Variants in UNC5C observed in about 807,000 individuals in gnomAD.
The protein encoded by UNC5C is unc-5 netrin receptor C.
A neutral mutation model predicts 99.8 loss-of-function variants in UNC5C; 47 were observed. The ratio of observed to expected loss-of-function variants is 0.47; its 90% CI spans 0.37 to 0.60. UNC5C has a LOEUF of 0.60. Ranked by LOEUF, UNC5C falls within the 20% of genes least tolerant of loss-of-function variation. UNC5C has a pLI of 0.00. For synonymous variants in UNC5C, 487 were observed against 452.2 expected, an observed-to-expected ratio of 1.08 and a Z score of -0.98; for missense variants, 1,062 against 1,165.9, an observed-to-expected ratio of 0.91 and a Z score of 1.30.
chr4:95,323,830 G>A (rs1742788461), intron 2 of UNC5C, among the ~76,000 whole-genome samples: 1 of 152,174 alleles, frequency 6.6e-6, no homozygotes, highest in African/African-American at 2.4e-5. Context: ...GAAGTCAGGA[G>A]TTCAAGACCA....
intron 1 of UNC5C, among the ~76,000 whole-genome samples, chr4:95,448,365 A>G (rs1340220740): frequency 6.6e-6 from 1 of 152,114 alleles, no homozygotes; most frequent in Admixed American, 6.5e-5. Flanking sequence ...CACCAGAGGC[A>G]ACCCATACGA....
At chr4:95,489,123 G>A (rs1263426676) in intron 1 of UNC5C, among the ~76,000 whole-genome samples, 1 of 149,408 alleles carries the variant, frequency 6.7e-6, no homozygotes, top group Non-Finnish European at 1.5e-5. Context: ...AGAGGAGGAG[G>A]GAGGGAGGAG....
intron 1 of UNC5C, among the ~76,000 whole-genome samples, chr4:95,366,803 T>C (rs1363755789): frequency 6.6e-6 from 1 of 151,864 alleles, no homozygotes; most frequent in African/African-American, 2.4e-5. Context: ...GAGCTAAACA[T>C]TGAGGCTGTT....
At chr4:95,340,577 A>G (rs1440082153) in intron 1 of UNC5C, among the ~76,000 whole-genome samples, 3 of 152,114 alleles carry the variant, frequency 2.0e-5, no homozygotes, top group Admixed American at 6.6e-5. Context: ...TGGATTCATC[A>G]TTTAAATTCA....
At chr4:95,197,582 G>A (rs1387633154) in intron 12 of UNC5C, among the ~76,000 whole-genome samples, 2 of 152,062 alleles carry the variant, frequency 1.3e-5, no homozygotes, top group South Asian at 2.1e-4. Context: ...TCATTGAGTG[G>A]TTAGGTCACT....
intron 1 of UNC5C, among the ~76,000 whole-genome samples, chr4:95,343,032 C>T (rs933098317): frequency 6.6e-6 from 1 of 152,054 alleles, no homozygotes; most frequent in Non-Finnish European, 1.5e-5. Context: ...CTTAAGGTTT[C>T]TGACTCCAGG....
At chr4:95,386,841 T>G (rs2149443787) in intron 1 of UNC5C, among the ~76,000 whole-genome samples, 1 of 152,128 alleles carries the variant, frequency 6.6e-6, no homozygotes, top group Admixed American at 6.6e-5. Flanking sequence ...TGAAGCTGTG[T>G]TTTTTTTCTC....
intron 1 of UNC5C, among the ~76,000 whole-genome samples, chr4:95,442,054 CAT>C (rs1746965489): frequency 6.6e-6 from 1 of 152,194 alleles, no homozygotes; most frequent in South Asian, 2.1e-4. Flanking sequence ...GTCTACTAGA[CAT>C]GTGACGCTGT....
At chr4:95,414,221 C>CCT (rs895488801) in intron 1 of UNC5C, among the ~76,000 whole-genome samples, 2 of 152,000 alleles carry the variant, frequency 1.3e-5, no homozygotes, top group Admixed American at 6.6e-5. Context: ...CCACCTCCCC[C>CCT]CCACAAAAAA....
At chr4:95,390,984 T>C (rs1010311250) in intron 1 of UNC5C, among the ~76,000 whole-genome samples, 2 of 152,166 alleles carry the variant, frequency 1.3e-5, no homozygotes, top group African/African-American at 2.4e-5. Flanking sequence ...AGGTGGGAGT[T>C]AATTGAATCA....
intron 1 of UNC5C, among the ~76,000 whole-genome samples, chr4:95,417,416 T>C (rs891125817): frequency 6.6e-6 from 1 of 152,192 alleles, no homozygotes. Flanking sequence ...TTTGACATCA[T>C]GCACTTGTTG....
chr4:95,390,613 C>T (rs114162734), intron 1 of UNC5C, among the ~76,000 whole-genome samples: 125 of 152,240 alleles, frequency 8.2e-4, no homozygotes, highest in Non-Finnish European at 1.3e-3. Flanking sequence ...GGGGTCTCTA[C>T]AAACTTTTAG....
chr4:95,491,078 G>A (rs1159762105), intron 1 of UNC5C, among the ~76,000 whole-genome samples: 1 of 151,386 alleles, frequency 6.6e-6, no homozygotes, highest in Admixed American at 6.6e-5. Context: ...AGTAAGATGA[G>A]GGGGATCACA....
chr4:95,274,463 G>A (rs1022581523), intron 4 of UNC5C, among the ~76,000 whole-genome samples: 4 of 152,122 alleles, frequency 2.6e-5, no homozygotes. Context: ...ACAGACGAAG[G>A]AGCAGGCAAG....
chr4:95,380,634 A>G (rs1042438180), intron 1 of UNC5C, among the ~76,000 whole-genome samples: 1 of 152,094 alleles, frequency 6.6e-6, no homozygotes, highest in African/African-American at 2.4e-5. Flanking sequence ...AAGACAAAAA[A>G]CAAAACAAAA....
At chr4:95,421,415 A>C (rs1746315968) in intron 1 of UNC5C, among the ~76,000 whole-genome samples, 1 of 152,178 alleles carries the variant, frequency 6.6e-6, no homozygotes. Flanking sequence ...GGAAAAGTAA[A>C]AATAAATTAT....
chr4:95,247,527 A>G (rs1739546404), intron 5 of UNC5C, among the ~76,000 whole-genome samples: 1 of 152,198 alleles, frequency 6.6e-6, no homozygotes, highest in Non-Finnish European at 1.5e-5. Context: ...GAATAATCAG[A>G]AATTTTCAGA....
chr4:95,437,078 A>G (rs1239529181), intron 1 of UNC5C, among the ~76,000 whole-genome samples: 1 of 151,794 alleles, frequency 6.6e-6, no homozygotes, highest in Non-Finnish European at 1.5e-5. Context: ...AAAACCTGAC[A>G]GAGCAAATCC....
intron 7 of UNC5C, among the ~76,000 whole-genome samples, chr4:95,221,246 C>G (rs1738457669): frequency 6.6e-6 from 1 of 152,232 alleles, no homozygotes; most frequent in African/African-American, 2.4e-5. Flanking sequence ...ATCAAAGCTG[C>G]TCCACTCACT....
Sources: gnomAD v4.1 joint callset for allele counts (sites outside exome capture counted in the v4.1 genomes callset) on GRCh38, gnomAD v4.1.1 for gene constraint, MANE v1.5 for transcripts, NCBI Gene and HGNC (gene_info 2026-07-23, HGNC 2026-07-21) for gene names.